TBC1D16: variants seen among roughly 807,000 people sequenced by gnomAD.
TBC1D16 encodes CTD-2529O21.1.
A neutral mutation model predicts 74.7 loss-of-function variants in TBC1D16; 58 were observed. The observed-to-expected ratio is 0.78, with a 90% CI of 0.63 to 0.97. The LOEUF is 0.97. TBC1D16 is among the 50% of genes least tolerant of loss of function. The probability of loss-of-function intolerance (pLI) is 0.00; values close to 1 mark genes in which losing one functional copy is unlikely to be tolerated. For synonymous variants in TBC1D16, 493 were observed against 474.7 expected, an observed-to-expected ratio of 1.04 and a Z score of -0.50; for missense variants, 1,014 against 1,079.5, an observed-to-expected ratio of 0.94 and a Z score of 0.85.
chr17:80,000,722 C>T lies in TBC1D16; in HGVS notation c.779+9438G>A, dbSNP rs564370429. Among the ~76,000 whole-genome samples the T allele has an allele frequency of 3.3e-5, 5 of 152,316 alleles. No individual in the cohort carries two copies. Among genetic ancestry groups the T allele is most frequent in the East Asian group, 1.9e-4 (1 of 5,190 alleles). On this transcript the variant is annotated intron_variant, in intron 3 of 11. Coordinates refer to ENST00000310924, the MANE Select transcript of TBC1D16 (RefSeq NM_019020.4). The surrounding 1 kb of genome is among the most constrained non-coding windows in gnomAD (Gnocchi z 4.1). ...TGAGCCCTCTGTGCAGAGCTTTACA[C>T]GCACGGCCTTCCTGAACCCCCACAA...
rs1288323614 is a variant in TBC1D16, at chr17:80,022,915, G to A, written c.-62-9306C>T. On this transcript the variant is annotated intron_variant, in intron 1 of 11. Coordinates refer to ENST00000310924, the MANE Select transcript of TBC1D16 (RefSeq NM_019020.4). ...CTCCCAAAGTGCTGGGATTACAGGC[G>A]TGAGCCACCATGACTGGCCGGGGAC... Among the ~76,000 whole-genome samples the A allele has an allele frequency of 9.3e-5, 14 of 150,188 alleles. 2 individuals are homozygous for A. The highest frequency in any genetic ancestry group is 3.0e-4 in the African/African-American group (12 of 39,514).
At chr17:79,945,887 G>C (rs116957196) in intron 9 of TBC1D16, among the ~76,000 whole-genome samples, 1 of 152,264 alleles carries the variant, frequency 6.6e-6, no homozygotes. Context: ...GCAGAGCTCG[G>C]GGCCACATGC....
intron 1 of TBC1D16, among the ~76,000 whole-genome samples, chr17:80,028,684 C>T (rs898500513): frequency 7.4e-5 from 11 of 147,934 alleles, no homozygotes; most frequent in Non-Finnish European, 1.0e-4. Context: ...AGTGCAGTGG[C>T]GCAATCTAAG....
At position 80,008,606 on chromosome 17, in the gene TBC1D16, T is replaced by C. The variant is rs1418589258; in HGVS notation, c.779+1554A>G. 6.6e-6 allele frequency among the ~76,000 whole-genome samples: 1 copy of C among 152,096 alleles called. No homozygotes were observed. Among genetic ancestry groups the C allele is most frequent in the African/African-American group, 2.4e-5 (1 of 41,418 alleles). The stretch of plus-strand genomic sequence containing the variant: ...GGGGGAGCTCCGACTGAGTCCGGCC[T>C]GCGGGACCCAGGCCAGGACCAGAGT... On this transcript the variant is annotated intron_variant, in intron 3 of 11. Coordinates refer to ENST00000310924, the MANE Select transcript of TBC1D16 (RefSeq NM_019020.4). The surrounding 1 kb of genome is among the most constrained non-coding windows in gnomAD (Gnocchi z 4.5).
chr17:79,998,956 T>C (rs1350081242), intron 3 of TBC1D16, among the ~76,000 whole-genome samples: 1 of 152,162 alleles, frequency 6.6e-6, no homozygotes, highest in Non-Finnish European at 1.5e-5. Flanking sequence ...TTCAGTATCC[T>C]TAATAAAACG....
chr17:80,024,981 AC>A (rs2036500939), intron 1 of TBC1D16, among the ~76,000 whole-genome samples: 1 of 62,018 alleles, frequency 1.6e-5, no homozygotes, highest in Non-Finnish European at 3.2e-5. Flanking sequence ...CCGTAGGCAC[AC>A]ACCACACTCT....
At chr17:79,997,586 G>A (rs529834409) in intron 3 of TBC1D16, among the ~76,000 whole-genome samples, 75 of 152,236 alleles carry the variant, frequency 4.9e-4, no homozygotes, top group African/African-American at 1.4e-3. Flanking sequence ...TTTTTAGAGC[G>A]ATTTTAGGTT....
chr17:79,941,628 G>A lies in TBC1D16; in HGVS notation c.2055+432C>T, dbSNP rs527746786. Among the ~76,000 whole-genome samples, 1 of 152,330 alleles carries A rather than the reference G, an allele frequency of 6.6e-6. No homozygotes were observed. Among genetic ancestry groups the A allele is most frequent in the African/African-American group, 2.4e-5 (1 of 41,586 alleles). ...GGCAGCATCTCCAGGAGGCGTCTGG[G>A]AAGTGGGGGAGGGGGCCAAAGCCCA... On this transcript the variant is annotated intron_variant, in intron 11 of 11. Transcript: ENST00000310924. The surrounding 1 kb of genome is among the most constrained non-coding windows in gnomAD (Gnocchi z 4.3).
chr17:80,025,111 A>T (rs1434043373), intron 1 of TBC1D16, among the ~76,000 whole-genome samples: 2 of 81,104 alleles, frequency 2.5e-5, no homozygotes, highest in African/African-American at 6.4e-5. Context: ...TATACACACA[A>T]ACACCACAGA....
At position 79,939,090 on chromosome 17, in the gene TBC1D16, G is replaced by A. The variant is rs1456508452; in HGVS notation, c.*1769C>T. The A allele has an allele frequency of 6.6e-6, 1 of 152,328 alleles. No homozygotes were observed. The highest frequency in any genetic ancestry group is 1.5e-5 in the Non-Finnish European group (1 of 68,086). 9.4% of individuals were successfully genotyped at this position (152,328 alleles called of 1,614,324 possible). On this transcript the variant is annotated 3_prime_UTR_variant, in exon 12 of 12. Transcript: ENST00000310924. ...TATTGCTGTGGCAATGGATATAACT[G>A]GTTTCTAGCGGAGGGTCAGGGCAGA...
intron 1 of TBC1D16, among the ~76,000 whole-genome samples, chr17:80,015,572 G>C (rs2036058424): frequency 6.6e-6 from 1 of 152,262 alleles, no homozygotes; most frequent in Non-Finnish European, 1.5e-5. Context: ...GCAGAGGTCA[G>C]GGGGCTGGGA....
At chr17:79,991,382 G>A (rs1486438200) in intron 3 of TBC1D16, among the ~76,000 whole-genome samples, 1 of 152,122 alleles carries the variant, frequency 6.6e-6, no homozygotes, top group Non-Finnish European at 1.5e-5. Flanking sequence ...GGGGTGGGGT[G>A]AGGTTGTGCT....
chr17:80,006,180 A>G (rs148265234), intron 3 of TBC1D16, among the ~76,000 whole-genome samples: 1 of 151,676 alleles, frequency 6.6e-6, no homozygotes. Flanking sequence ...GAGCACCAGG[A>G]GCGCTCTCGC....
In TBC1D16 at chr17:80,026,518, G is replaced by C. The variant is rs543214835; in HGVS notation, c.-63+9277C>G. On this transcript the variant is annotated intron_variant, in intron 1 of 11. Transcript: ENST00000310924. ...GATCAGGAAGCTTGCATCCAAAGAG[G>C]TGTGGAGGAGGCGTGGACGAGGGTG... Among the ~76,000 whole-genome samples, 8 of 149,932 alleles carry C rather than the reference G, an allele frequency of 5.3e-5. No homozygotes were observed. The East Asian group carries it at 1.5e-3, about 29-fold the overall frequency.
intron 8 of TBC1D16, among the ~76,000 whole-genome samples, chr17:79,948,083 G>A (rs1016498648): frequency 4.6e-5 from 7 of 152,192 alleles, no homozygotes; most frequent in Non-Finnish European, 1.0e-4. Context: ...GGCTGAGGTG[G>A]GCAGATCACC....
At chr17:80,005,089 T>C (rs2035625328) in intron 3 of TBC1D16, among the ~76,000 whole-genome samples, 1 of 152,062 alleles carries the variant, frequency 6.6e-6, no homozygotes, top group Non-Finnish European at 1.5e-5. Context: ...GTTGTTGTTG[T>C]TTTTGTTTTT....
chr17:80,005,520 G>C (rs1409255935), intron 3 of TBC1D16, among the ~76,000 whole-genome samples: 1 of 152,238 alleles, frequency 6.6e-6, no homozygotes, highest in Non-Finnish European at 1.5e-5. Context: ...ACACTGAGGA[G>C]GGCACAGGAC....
At chr17:80,018,957 C>A (rs1204228992) in intron 1 of TBC1D16, among the ~76,000 whole-genome samples, 1 of 150,138 alleles carries the variant, frequency 6.7e-6, no homozygotes, top group Non-Finnish European at 1.5e-5. Context: ...TTAAGCACGT[C>A]AAAGTTCTGC....
chr17:79,995,299 C>CAA (rs1006495494), intron 3 of TBC1D16, among the ~76,000 whole-genome samples: 1 of 137,838 alleles, frequency 7.3e-6, no homozygotes, highest in Non-Finnish European at 1.6e-5. Flanking sequence ...GACTCCGTTT[C>CAA]AAAAAAAAAA....
Sources: allele counts gnomAD v4.1 joint callset (sites outside exome capture counted in the v4.1 genomes callset), GRCh38; gene constraint gnomAD v4.1.1; non-coding constraint Gnocchi (gnomAD v3.1); transcripts MANE v1.5; gene names NCBI Gene and HGNC (gene_info 2026-07-23, HGNC 2026-07-21).